Variants in PCDH15 observed in about 807,000 individuals in gnomAD.
PCDH15 encodes protocadherin-15.
In PCDH15, 129 loss-of-function variants were observed where a neutral mutation model predicts 178.5. The ratio of observed to expected loss-of-function variants is 0.72; its 90% CI spans 0.63 to 0.84. The LOEUF (loss-of-function observed/expected upper bound fraction) is 0.84. Among genes scored for constraint, PCDH15 ranks in the 40% least tolerant of loss-of-function variants. The pLI is 0.00. For missense variants in PCDH15, 2,230 were observed against 2,099.9 expected (o/e 1.06, Z -1.21); for synonymous variants, 800 against 732.0 (o/e 1.09, Z -1.50).
intron 2 of PCDH15, among the ~76,000 whole-genome samples, chr10:54,644,351 A>C (rs1379175921): frequency 1.3e-5 from 2 of 150,442 alleles, no homozygotes; most frequent in East Asian, 4.1e-4. Context: ...GTTATTTTCA[A>C]AGCTTACTGA....
At chr10:54,582,719 T>A (rs1294937375) in intron 2 of PCDH15, among the ~76,000 whole-genome samples, 2 of 152,018 alleles carry the variant, frequency 1.3e-5, no homozygotes, top group East Asian at 3.9e-4. Context: ...TCAACTAGCA[T>A]GGGCAATGTA....
chr10:55,111,544 A>AAATT lies in PCDH15; in HGVS notation c.-80+55031_-80+55032insAATT, dbSNP rs1351805853. 1.5e-3 allele frequency among the ~76,000 whole-genome samples: 231 copies of AAATT among 151,662 alleles called. 1 individual carries two copies. The Middle Eastern group carries it at 0.024, about 16-fold the overall frequency. ...CAGAGATACTATTTAAAAAAAAAAA[A>AAATT]TTTAAAAAAGTTCTTTTTGACGGGT... On this transcript the variant is annotated intron_variant, in intron 2 of 5. Coordinates refer to the PCDH15 transcript ENST00000458638.
At chr10:54,319,422 G>T (rs12240504) in intron 7 of PCDH15, among the ~76,000 whole-genome samples, 7,183 of 152,096 alleles carry the variant, frequency 0.047, 522 homozygotes, top group African/African-American at 0.16. Context: ...AAATAAAGAA[G>T]CCAGACAAAA....
rs547235943 is a variant in PCDH15 at position 53,998,849 on chromosome 10, C to T, written c.2752-3084G>A. On this transcript the variant is annotated intron_variant, in intron 20 of 37. Transcript: ENST00000644397. ...GGCGGATCACCCAAGGTCAGGAGTT[C>T]GAGACCAGCCTGGCCAACATGGCGA... 4.0e-5 allele frequency among the ~76,000 whole-genome samples: 6 copies of T among 151,774 alleles called. No individual in the cohort carries two copies. In the East Asian group the frequency reaches 7.8e-4, roughly 20 times the overall value.
At chr10:54,138,586 C>T (rs2043096907) in intron 14 of PCDH15, among the ~76,000 whole-genome samples, 1 of 152,090 alleles carries the variant, frequency 6.6e-6, no homozygotes, top group Non-Finnish European at 1.5e-5. Context: ...TCCATGTATC[C>T]AGACTTTTGT....
intron 2 of PCDH15, among the ~76,000 whole-genome samples, chr10:55,148,494 G>A (rs1209310264): frequency 6.6e-6 from 1 of 151,764 alleles, no homozygotes; most frequent in Non-Finnish European, 1.5e-5. Context: ...TAAATTAATA[G>A]GGACTATTTC....
chr10:54,755,804 G>A (rs1947001793), intron 1 of PCDH15, among the ~76,000 whole-genome samples: 1 of 151,970 alleles, frequency 6.6e-6, no homozygotes. Flanking sequence ...GAATAATGCA[G>A]CACTTTTTTC....
intron 2 of PCDH15, among the ~76,000 whole-genome samples, chr10:55,422,212 T>G (rs988143102): frequency 1.3e-5 from 2 of 151,842 alleles, no homozygotes; most frequent in Non-Finnish European, 2.9e-5. Context: ...TTATAGCCTA[T>G]AAAGTAGATA....
chr10:54,959,631 T>A (rs1169136918), intron 2 of PCDH15, among the ~76,000 whole-genome samples: 1 of 152,090 alleles, frequency 6.6e-6, no homozygotes, highest in Non-Finnish European at 1.5e-5. Context: ...CTCATCAATG[T>A]GAATTATTAA....
rs935001400 is a variant in PCDH15 at position 54,658,447 on chromosome 10, C to T, written c.91+5725G>A. Among the ~76,000 whole-genome samples the T allele has an allele frequency of 2.0e-5, 3 of 152,084 alleles. No homozygotes were observed. The South Asian group carries it at 6.2e-4, about 31-fold the overall frequency. On this transcript the variant is annotated intron_variant, in intron 2 of 37. Coordinates refer to ENST00000644397, the MANE Select transcript of PCDH15 (RefSeq NM_001384140.1). ...AGTGGACTTCTCAGCAGCAACCTTA[C>T]AAGCCAGAAGGAATTAGAGGTCTAT...
At chr10:54,992,770 AAAG>A (rs1228731589) in intron 2 of PCDH15, among the ~76,000 whole-genome samples, 1 of 150,942 alleles carries the variant, frequency 6.6e-6, no homozygotes, top group East Asian at 2.0e-4. Flanking sequence ...AAAAAAAAAA[AAAG>A]TGAAGTCAAC....
At chr10:54,152,713 C>T (rs549540793) in intron 14 of PCDH15, among the ~76,000 whole-genome samples, 20 of 150,798 alleles carry the variant, frequency 1.3e-4, no homozygotes, top group East Asian at 7.8e-4. Flanking sequence ...TGTCTGTGTG[C>T]GAGTCTGTGT....
chr10:55,087,618 C>T (rs995316216), intron 2 of PCDH15, among the ~76,000 whole-genome samples: 2 of 152,036 alleles, frequency 1.3e-5, no homozygotes, highest in Non-Finnish European at 2.9e-5. Flanking sequence ...TAGCTAAGAC[C>T]AGAGAACAGT....
intron 2 of PCDH15, among the ~76,000 whole-genome samples, chr10:55,578,855 C>G (rs1395384459): frequency 6.6e-6 from 1 of 152,100 alleles, no homozygotes; most frequent in Non-Finnish European, 1.5e-5. Flanking sequence ...GAGACTTATT[C>G]ACTATCATGA....
intron 21 of PCDH15, among the ~76,000 whole-genome samples, chr10:53,973,825 A>G (rs10763038): frequency 0.013 from 1,986 of 152,082 alleles, 16 homozygotes; most frequent in Non-Finnish European, 0.021. Flanking sequence ...ATACTTAGAT[A>G]TGAGGAAGAG....
At chr10:54,122,195 G>A (rs908943724) in intron 15 of PCDH15, among the ~76,000 whole-genome samples, 1 of 151,902 alleles carries the variant, frequency 6.6e-6, no homozygotes, top group African/African-American at 2.4e-5. Flanking sequence ...ATTCAAGGTT[G>A]TTTCATCATA....
intron 2 of PCDH15, among the ~76,000 whole-genome samples, chr10:55,456,000 T>C (rs921269970): frequency 6.6e-6 from 1 of 152,146 alleles, no homozygotes; most frequent in Non-Finnish European, 1.5e-5. Flanking sequence ...TTTAGTATTA[T>C]AACAGTTTCA....
chr10:55,187,208 A>T (rs1390201144), intron 1 of PCDH15, among the ~76,000 whole-genome samples: 1 of 151,944 alleles, frequency 6.6e-6, no homozygotes, highest in African/African-American at 2.4e-5. Flanking sequence ...AGCTTTAAAA[A>T]TCCTTTTGAT....
intron 13 of PCDH15, among the ~76,000 whole-genome samples, chr10:54,171,413 G>A (rs367633151): frequency 6.6e-6 from 1 of 152,124 alleles, no homozygotes; most frequent in Admixed American, 6.5e-5. Flanking sequence ...GAGCGGTATA[G>A]ATGCTCCTTT....
Sources: allele counts gnomAD v4.1 joint callset (sites outside exome capture counted in the v4.1 genomes callset), GRCh38; gene constraint gnomAD v4.1.1; transcripts MANE v1.5; gene names NCBI Gene and HGNC (gene_info 2026-07-23, HGNC 2026-07-21).